The following DNMBP variants were observed in gnomAD, a reference collection of about 807,000 sequenced individuals.
DNMBP encodes dynamin binding protein.
A neutral mutation model predicts 150.0 loss-of-function variants in DNMBP; 87 were observed. That is an observed-to-expected ratio of 0.58 (90% CI 0.49 to 0.69). The LOEUF is 0.69. DNMBP is among the 30% of genes least tolerant of loss of function. The probability of loss-of-function intolerance (pLI) is 0.00; values close to 1 mark genes in which losing one functional copy is unlikely to be tolerated. For missense variants in DNMBP, 1,774 were observed against 1,949.0 expected (o/e 0.91, Z 1.69); for synonymous variants, 711 against 750.4 (o/e 0.95, Z 0.86).
At chr10:99,898,902 G>A (rs2039698714) in intron 7 of DNMBP, 142 bp from the exon 8 acceptor site, 1 of 857,282 alleles carries the variant, frequency 1.2e-6, no homozygotes, top group Non-Finnish European at 1.8e-6. Context: ...ACTAAAAAAT[G>A]TTAGCCCCGG....
intron 4 of DNMBP, among the ~76,000 whole-genome samples, chr10:99,936,039 G>A (rs1296666703): frequency 3.9e-5 from 6 of 152,134 alleles, no homozygotes; most frequent in Admixed American, 1.3e-4. Context: ...TGGGTACTGA[G>A]TGAGAAGGAA....
intron 3 of DNMBP, among the ~76,000 whole-genome samples, chr10:99,960,124 G>A (rs1451449477): frequency 6.6e-6 from 1 of 151,990 alleles, no homozygotes; most frequent in Non-Finnish European, 1.5e-5. Context: ...GGTAAAGAAA[G>A]GATAAGAGCA....
At chr10:99,933,339 T>C (rs1244684921) in intron 4 of DNMBP, among the ~76,000 whole-genome samples, 1 of 152,050 alleles carries the variant, frequency 6.6e-6, no homozygotes, top group Non-Finnish European at 1.5e-5. Context: ...AAAAGGGGTA[T>C]TGAACTAAAT....
chr10:100,006,252 G>A (rs753697958), intron 1 of DNMBP, among the ~76,000 whole-genome samples: 5 of 152,210 alleles, frequency 3.3e-5, no homozygotes, highest in Non-Finnish European at 7.3e-5. Context: ...GATTTGGGAT[G>A]ATTCAGCTAC....
intron 14 of DNMBP, among the ~76,000 whole-genome samples, chr10:99,885,061 A>G (rs1189626146): frequency 6.6e-6 from 1 of 152,198 alleles, no homozygotes; most frequent in Non-Finnish European, 1.5e-5. Flanking sequence ...AAAAAAGACT[A>G]ACTCCAGGTA....
At chr10:99,941,149 T>A (rs527356694) in intron 4 of DNMBP, among the ~76,000 whole-genome samples, 1 of 152,232 alleles carries the variant, frequency 6.6e-6, no homozygotes, top group South Asian at 2.1e-4. Flanking sequence ...CTTCCCAAAG[T>A]GCTGGGATTA....
At position 99,937,451 on chromosome 10, in the gene DNMBP, C is replaced by G. The variant is rs118071572; in HGVS notation, c.2260+17763G>C. ...GAAACAATCTGCGAGTGTGAATAAC[C>G]TGTCCAAGATCACATAAACTAGTAC... On this transcript the variant is annotated intron_variant, in intron 4 of 16. Transcript: ENST00000324109. Among the ~76,000 whole-genome samples the G allele has an allele frequency of 2.7e-3, 404 of 152,302 alleles. 7 individuals carry two copies. In the East Asian group the frequency reaches 0.041, roughly 16 times the overall value.
intron 4 of DNMBP, among the ~76,000 whole-genome samples, chr10:99,925,165 A>C (rs2040064678): frequency 6.6e-6 from 1 of 152,020 alleles, no homozygotes; most frequent in South Asian, 2.1e-4. Flanking sequence ...AGAAATACCT[A>C]ACACTTTTCT....
intron 4 of DNMBP, among the ~76,000 whole-genome samples, chr10:99,950,627 G>A (rs533307872): frequency 6.6e-6 from 1 of 152,324 alleles, no homozygotes; most frequent in East Asian, 1.9e-4. Flanking sequence ...AGTGACTCTT[G>A]TTATATTTTA....
chr10:99,884,767 G>A (rs1266251344), intron 14 of DNMBP, among the ~76,000 whole-genome samples: 1 of 152,066 alleles, frequency 6.6e-6, no homozygotes, highest in Non-Finnish European at 1.5e-5. Flanking sequence ...TACAGGCATG[G>A]TAACGCATGC....
intron 4 of DNMBP, among the ~76,000 whole-genome samples, chr10:99,915,192 TACAC>T (rs59291264): frequency 1.1e-3 from 141 of 132,062 alleles, no homozygotes; most frequent in African/African-American, 4.0e-3. Flanking sequence ...TACACACATA[TACAC>T]ACATATACAT....
intron 4 of DNMBP, among the ~76,000 whole-genome samples, chr10:99,947,172 G>A (rs919486097): frequency 6.6e-6 from 1 of 152,094 alleles, no homozygotes; most frequent in African/African-American, 2.4e-5. Flanking sequence ...TTTCTTAAGG[G>A]GCTAAAAGTA....
At chr10:100,004,302 G>C (rs1446622043) in intron 1 of DNMBP, among the ~76,000 whole-genome samples, 1 of 151,286 alleles carries the variant, frequency 6.6e-6, no homozygotes, top group Non-Finnish European at 1.5e-5. Flanking sequence ...GGGTAGCCTG[G>C]TAAACTTATT....
At chr10:99,962,500 G>A (rs1664570145) in intron 3 of DNMBP, among the ~76,000 whole-genome samples, 1 of 152,140 alleles carries the variant, frequency 6.6e-6, no homozygotes, top group African/African-American at 2.4e-5. Flanking sequence ...GTGTGGTGGC[G>A]GGCGCCTGTA....
At chr10:99,881,343 C>T (rs1449364191) in intron 15 of DNMBP, among the ~76,000 whole-genome samples, 2 of 149,440 alleles carry the variant, frequency 1.3e-5, no homozygotes, top group Admixed American at 6.6e-5. Flanking sequence ...GATGTTCTAA[C>T]GTAGGAAACT....
At chr10:99,894,011 T>C (rs1164760989) in intron 11 of DNMBP, among the ~76,000 whole-genome samples, 1 of 152,228 alleles carries the variant, frequency 6.6e-6, no homozygotes, top group Non-Finnish European at 1.5e-5. Context: ...GAAATTCTTT[T>C]ATAAGATCAG....
chr10:99,969,289 G>A (rs201000510), intron 2 of DNMBP, 52 bp from the exon 3 acceptor site: 201 of 1,604,842 alleles, frequency 1.3e-4, no homozygotes, highest in Admixed American at 2.0e-4. Flanking sequence ...TTCTTTTCCC[G>A]TCTGTGTACA....
At chr10:99,979,575 A>G (rs551405970) in intron 1 of DNMBP, among the ~76,000 whole-genome samples, 5 of 152,294 alleles carry the variant, frequency 3.3e-5, no homozygotes, top group South Asian at 2.1e-4. Context: ...CCAATTCCCA[A>G]AACATGTTCT....
chr10:99,918,602 TGTCGCCCAGGCTAGAGTGCA>T (rs2039991763), intron 4 of DNMBP, among the ~76,000 whole-genome samples: 1 of 130,890 alleles, frequency 7.6e-6, no homozygotes, highest in African/African-American at 3.0e-5. Flanking sequence ...GGAGTCTCAC[TGTCGCCCAGGCTAGAGTGCA>T]GTGGCACAAT....
Sources: allele counts gnomAD v4.1 joint callset (sites outside exome capture counted in the v4.1 genomes callset), GRCh38; gene constraint gnomAD v4.1.1; transcripts MANE v1.5; gene names NCBI Gene and HGNC (gene_info 2026-07-23, HGNC 2026-07-21).